The following DBH variants were observed in gnomAD, a reference collection of about 807,000 sequenced individuals.
DBH encodes the protein dopamine beta-hydroxylase.
Under a neutral mutation model 64.0 loss-of-function variants are expected in DBH, and 49 were observed. The observed-to-expected ratio is 0.77, with a 90% CI of 0.61 to 0.97. The LOEUF is 0.97. DBH is among the 50% of genes least tolerant of loss of function. The pLI, the probability that DBH is intolerant of heterozygous loss-of-function variation, is 0.00. For missense variants in DBH, 828 were observed against 826.6 expected, an observed-to-expected ratio of 1.00 and a Z score of -0.02; for synonymous variants, 343 against 347.1, an observed-to-expected ratio of 0.99 and a Z score of 0.13.
At chr9:133,650,403 C>T (rs1296169878) in intron 6 of DBH, among the ~76,000 whole-genome samples, 1 of 152,076 alleles carries the variant, frequency 6.6e-6, no homozygotes, top group South Asian at 2.1e-4. Context: ...AGAAAATGCT[C>T]GATTTCAGGA....
At chr9:133,641,240 G>A (rs139723581) in intron 2 of DBH, among the ~76,000 whole-genome samples, 12 of 152,352 alleles carry the variant, frequency 7.9e-5, no homozygotes, top group African/African-American at 2.4e-4. Flanking sequence ...ACTAAGGCCC[G>A]GAGACGGGGA....
rs129914 is a variant in DBH, at chr9:133,658,725, T to C, written c.*278T>C. On this transcript the variant is annotated 3_prime_UTR_variant, in exon 12 of 12. Coordinates refer to ENST00000393056, the MANE Select transcript of DBH (RefSeq NM_000787.4). ...CGGCTGACTCAGTGCAGGGACAGCC[T>C]GCACAGTGGTCCAGGGTCCAGCCCT... is the stretch of plus-strand genomic sequence containing the variant. The C allele has an allele frequency of 0.038, 11,250 of 299,128 alleles. 415 individuals are homozygous for C. Among genetic ancestry groups the C allele is most frequent in the South Asian group, 0.15 (1,324 of 8,608 alleles). The allele number at this position is 299,128 out of a possible 1,614,324, so 18.5% of individuals were successfully genotyped here.
In DBH at chr9:133,642,323, T is replaced by A. The variant is rs775107913; in HGVS notation, c.603T>A (p.Asn201Lys). 3.7e-6 allele frequency: 6 copies of A among 1,614,076 alleles called. No individual in the cohort carries two copies. In the South Asian group the frequency reaches 6.6e-5, roughly 18 times the overall value. The change falls in exon 3 of 12, where the codon AAT becomes AAA. Residue 201 changes from asparagine to lysine, a missense_variant. Transcript: ENST00000393056. ...AGAGGGTGCAGCTCCTGAAGCCCAA[T>A]ATCCCCGAACCGGAGTTGCCCTCAG... is the stretch of plus-strand genomic sequence containing the variant. ...GLQRVQLLKP[N>K]IPEPELPSDA...
chr9:133,646,424 C>G (rs1397338565), intron 5 of DBH, among the ~76,000 whole-genome samples: 1 of 152,198 alleles, frequency 6.6e-6, no homozygotes, highest in Non-Finnish European at 1.5e-5. Context: ...GTACTCAGAG[C>G]CTGGCTGCTG....
intron 5 of DBH, among the ~76,000 whole-genome samples, chr9:133,647,045 G>C (rs1048521581): frequency 6.6e-6 from 1 of 152,208 alleles, no homozygotes; most frequent in African/African-American, 2.4e-5. Context: ...AGTCATCTGA[G>C]AGCACACAGC....
chr9:133,652,379 A>C (rs1832261903), intron 8 of DBH, 95 bp downstream of exon 8: 1 of 1,462,494 alleles, frequency 6.8e-7, no homozygotes, highest in Non-Finnish European at 9.5e-7. Flanking sequence ...GGACACAGAA[A>C]GTGATAGGGG....
chr9:133,642,383 C>T lies in DBH; in HGVS notation c.663C>T (p.Ile221=), dbSNP rs371814702. 5 of 1,614,118 alleles carry T rather than the reference C, an allele frequency of 3.1e-6. No individual in the cohort carries two copies. Among genetic ancestry groups the T allele is most frequent in the East Asian group, 2.2e-5 (1 of 44,876 alleles). ...CCATGGAGGTCCAAGCTCCCAATAT[C>T]CAGATCCCCAGCCAGGAGACCACGT... ...ACTMEVQAPN[I]QIPSQETTYW... Residue 221 remains isoleucine (I), a synonymous_variant, in exon 3 of 12, where the codon ATC becomes ATT. Transcript: ENST00000393056.
In DBH at chr9:133,651,617, G is replaced by GC. The variant is rs756493507; in HGVS notation, c.1192-11dup. The GC allele has an allele frequency of 1.9e-6, 3 of 1,612,874 alleles. No homozygotes were observed. Among genetic ancestry groups the GC allele is most frequent in the East Asian group, 2.2e-5 (1 of 44,872 alleles). On this transcript the variant is annotated splice_polypyrimidine_tract_variant and intron_variant, in intron 6 of 11. Transcript: ENST00000393056. ...TCGGGGGTCAGGCCCTGACACTGCA[G>GC]CCCCCCGACCCCACAGGCACTGCCT... is the stretch of plus-strand genomic sequence containing the variant.
rs752026405 is a variant in DBH, at chr9:133,657,193, C to T, written c.1686C>T (p.Ser562=). Reference sequence around the variant, plus strand: ...CCCTGTACAGCTTCGCGCCCATCTCCATGCACTGCAACAAGTCCTCAGCCG... The same window carrying T: ...CCCTGTACAGCTTCGCGCCCATCTCTATGCACTGCAACAAGTCCTCAGCCG... ...LKALYSFAPI[S]MHCNKSSAVR... Residue 562 remains serine (S), a synonymous_variant, in exon 11 of 12, where the codon TCC becomes TCT. Coordinates refer to ENST00000393056, the MANE Select transcript of DBH (RefSeq NM_000787.4). 1 of 1,614,164 alleles carries T rather than the reference C, an allele frequency of 6.2e-7. No homozygotes were observed. Among genetic ancestry groups the T allele is most frequent in the Non-Finnish European group, 8.5e-7 (1 of 1,180,042 alleles).
At chr9:133,644,635 G>A (rs1832160682) in intron 5 of DBH, among the ~76,000 whole-genome samples, 1 of 152,236 alleles carries the variant, frequency 6.6e-6, no homozygotes, top group Admixed American at 6.5e-5. Flanking sequence ...AGGACAAGGA[G>A]AATTTTCATA....
intron 8 of DBH, 129 bp downstream of exon 8, chr9:133,652,413 G>C: frequency 1.7e-6 from 2 of 1,163,274 alleles, no homozygotes; most frequent in Non-Finnish European, 2.5e-6. Flanking sequence ...CCAGGGCAGG[G>C]GGAGGGTGCC....
In DBH at chr9:133,644,229, C is replaced by T. The variant is rs3025400; in HGVS notation, c.933C>T (p.Tyr311=). The change falls in exon 5 of 12, where the codon TAC becomes TAT. Residue 311 remains tyrosine, a synonymous_variant. Transcript: ENST00000393056. ...AWALGAKAFY[Y]PEEAGLAFGG... The stretch of plus-strand genomic sequence containing the variant: ...CTTGCCCCACACAGGCATTTTACTA[C>T]CCAGAGGAAGCCGGCCTTGCCTTCG... 719 of 1,614,024 alleles carry T rather than the reference C, an allele frequency of 4.5e-4. 6 individuals carry two copies. The African/African-American group carries it at 6.7e-3, about 15-fold the overall frequency.
At position 133,644,248 on chromosome 9, in the gene DBH, G is replaced by T. The variant is rs4531; in HGVS notation, c.952G>T (p.Ala318Ser). The change falls in exon 5 of 12, where the codon GCC becomes TCC. Residue 318 changes from alanine (A) to serine (S), a missense_variant. Coordinates refer to ENST00000393056, the MANE Select transcript of DBH (RefSeq NM_000787.4). ...AFYYPEEAGL[A>S]FGGPGSSRYL... ...TTACTACCCAGAGGAAGCCGGCCTT[G>T]CCTTCGGGGGTCCAGGGTCCTCCAG... 125,181 of 1,613,524 alleles carry T rather than the reference G, an allele frequency of 0.078. 5,350 individuals are homozygous for T. Among genetic ancestry groups the T allele is most frequent in the African/African-American group, 0.12 (8,852 of 75,012 alleles).
At position 133,643,267 on chromosome 9, in the gene DBH, G is replaced by C. The variant is rs1405198970; in HGVS notation, c.745-146G>C. 5 of 825,486 alleles carry C rather than the reference G, an allele frequency of 6.1e-6. No homozygotes were observed. The highest frequency in any genetic ancestry group is 8.0e-6 in the Non-Finnish European group (4 of 502,156). The allele number at this position is 825,486 out of a possible 1,614,324, so 51.1% of individuals were successfully genotyped here. ...CTGGGCTGATGGCTCCACCCTCAAG[G>C]CTGTGAACCCCAGAAGTGCCCCTGA... is the stretch of plus-strand genomic sequence containing the variant. On this transcript the variant is annotated intron_variant, in intron 3 of 11. Transcript: ENST00000393056. This position sits in a 1 kb window ranked among gnomAD's most constrained non-coding sequence, Gnocchi z 5.3.
intron 6 of DBH, among the ~76,000 whole-genome samples, chr9:133,649,669 G>A (rs186879731): frequency 2.0e-5 from 3 of 152,212 alleles, no homozygotes; most frequent in South Asian, 2.1e-4. Context: ...TGTCCCAGAC[G>A]GGGGTGGACA....
At chr9:133,648,067 G>A (rs1020279547) in intron 6 of DBH, 55 bp downstream of exon 6, 1 of 1,566,774 alleles carries the variant, frequency 6.4e-7, no homozygotes, top group Non-Finnish European at 8.6e-7. Context: ...TCCCTCAGTG[G>A]AGGCCTGGCA....
Position 133,642,333 on chromosome 9 carries a change from C to A in DBH, c.613C>A (p.Pro205Thr), listed in dbSNP as rs140800041. 3.1e-6 allele frequency: 5 copies of A among 1,614,186 alleles called. No individual in the cohort carries two copies. The highest frequency in any genetic ancestry group is 2.2e-5 in the East Asian group (1 of 44,868). Residue 205 changes from proline (P) to threonine (T), a missense_variant, in exon 3 of 12, where the codon CCG becomes ACG. By Grantham distance (38) the Pro-to-Thr change is conservative. Coordinates refer to ENST00000393056, the MANE Select transcript of DBH (RefSeq NM_000787.4). ...GCTCCTGAAGCCCAATATCCCCGAA[C>A]CGGAGTTGCCCTCAGACGCGTGCAC... Reference protein sequence around the residue: ...VQLLKPNIPEPELPSDACTME... With the variant: ...VQLLKPNIPETELPSDACTME...
chr9:133,657,477 AGG>A (rs1491413433), intron 11 of DBH, among the ~76,000 whole-genome samples: 49 of 143,346 alleles, frequency 3.4e-4, no homozygotes, highest in African/African-American at 1.3e-3. Context: ...AGAGAGGGAG[AGG>A]GAGAGAGGAG....
Position 133,658,452 on chromosome 9 carries a change from G to T in DBH, c.*5G>T. ...ATTGGTGGGGGCAAAGGCTGAGGGG[G>T]GACCTACTCCTCCCCCTCCTCCATG... On this transcript the variant is annotated 3_prime_UTR_variant, in exon 12 of 12. Transcript: ENST00000393056. 3 of 1,603,006 alleles carry T rather than the reference G, an allele frequency of 1.9e-6. No homozygotes were observed. Among genetic ancestry groups the T allele is most frequent in the Non-Finnish European group, 2.6e-6 (3 of 1,173,168 alleles).
Sources: allele counts gnomAD v4.1 joint callset (sites outside exome capture counted in the v4.1 genomes callset), GRCh38; gene constraint gnomAD v4.1.1; non-coding constraint Gnocchi (gnomAD v3.1); transcripts MANE v1.5; gene names NCBI Gene and HGNC (gene_info 2026-07-23, HGNC 2026-07-21).